CLVS1: variants seen among roughly 807,000 people sequenced by gnomAD.
CLVS1 encodes clavesin 1.
Under a neutral mutation model 33.1 loss-of-function variants are expected in CLVS1, and 10 were observed. The ratio of observed to expected loss-of-function variants is 0.30; its 90% CI spans 0.19 to 0.51. CLVS1 has a LOEUF of 0.51. CLVS1 is among the 20% of genes least tolerant of loss of function. The pLI is 0.97. For missense variants in CLVS1, 343 were observed against 433.4 expected, an observed-to-expected ratio of 0.79 and a Z score of 1.85; for synonymous variants, 163 against 166.1, an observed-to-expected ratio of 0.98 and a Z score of 0.14.
chr8:61,056,921 A>G (rs1406719885), upstream of CLVS1, among the ~76,000 whole-genome samples: 1 of 152,178 alleles, frequency 6.6e-6, no homozygotes, highest in Non-Finnish European at 1.5e-5. Flanking sequence ...AAGGAAAGGT[A>G]AAGCGCCAGG....
intron 2 of CLVS1, among the ~76,000 whole-genome samples, chr8:61,261,144 T>C (rs1809195008): frequency 1.3e-5 from 2 of 152,188 alleles, no homozygotes; most frequent in Non-Finnish European, 2.9e-5. Flanking sequence ...TTCTAACTGA[T>C]GTGTGTTCCA....
At chr8:61,122,335 G>A (rs530964697) in intron 1 of CLVS1, among the ~76,000 whole-genome samples, 4 of 152,278 alleles carry the variant, frequency 2.6e-5, no homozygotes, top group Admixed American at 1.3e-4. Flanking sequence ...TGCTGAGCAG[G>A]ATAGTAAATA....
At chr8:61,265,535 A>C (rs1370139642) in intron 2 of CLVS1, among the ~76,000 whole-genome samples, 1 of 152,224 alleles carries the variant, frequency 6.6e-6, no homozygotes, top group Non-Finnish European at 1.5e-5. Flanking sequence ...ATTCTATGAG[A>C]GGCTTGTTGC....
At chr8:61,272,362 C>T (rs1239125970) in intron 2 of CLVS1, among the ~76,000 whole-genome samples, 8 of 152,268 alleles carry the variant, frequency 5.3e-5, no homozygotes, top group South Asian at 2.1e-4. Flanking sequence ...CTGAGAGATC[C>T]GCTGTTAGTC....
chr8:61,024,848 TTTTC>T, the CLVS1 span, among the ~76,000 whole-genome samples: 1 of 151,984 alleles, frequency 6.6e-6, no homozygotes, highest in Admixed American at 6.6e-5. Context: ...CTTTTCTTTT[TTTTC>T]TTTCTTTTTT....
At chr8:61,327,354 A>G (rs1811422531) in intron 2 of CLVS1, among the ~76,000 whole-genome samples, 1 of 152,202 alleles carries the variant, frequency 6.6e-6, no homozygotes, top group Admixed American at 6.5e-5. Context: ...TGTTTACAGA[A>G]TCTCATTTGA....
At chr8:61,177,698 A>T (rs1807144538) in intron 2 of CLVS1, among the ~76,000 whole-genome samples, 1 of 152,076 alleles carries the variant, frequency 6.6e-6, no homozygotes, top group African/African-American at 2.4e-5. Context: ...GAACCAGAAG[A>T]ATAGGGACAG....
At chr8:61,086,035 C>CAAAAAA (rs4033854) in intron 1 of CLVS1, among the ~76,000 whole-genome samples, 3 of 31,248 alleles carry the variant, frequency 9.6e-5, no homozygotes, top group Non-Finnish European at 1.6e-4. Flanking sequence ...GACTCCCTCT[C>CAAAAAA]AAAAAAAAAA....
chr8:61,486,632 A>G (rs1803894495), intron 5 of CLVS1, among the ~76,000 whole-genome samples: 1 of 152,172 alleles, frequency 6.6e-6, no homozygotes, highest in Non-Finnish European at 1.5e-5. Context: ...GTGTGGATCA[A>G]TAGCAGAAAG....
intron 1 of CLVS1, among the ~76,000 whole-genome samples, chr8:61,297,405 G>A (rs1432163184): frequency 6.6e-6 from 1 of 152,148 alleles, no homozygotes; most frequent in Non-Finnish European, 1.5e-5. Context: ...AACTGGGAAA[G>A]TTTGAAAAAT....
chr8:61,452,355 A>T (rs1417227825), intron 3 of CLVS1, among the ~76,000 whole-genome samples: 1 of 152,234 alleles, frequency 6.6e-6, no homozygotes, highest in African/African-American at 2.4e-5. Context: ...TGGTCCCATT[A>T]AAAAGATAGT....
At chr8:61,028,022 A>G in the CLVS1 span, among the ~76,000 whole-genome samples, 1 of 152,356 alleles carries the variant, frequency 6.6e-6, no homozygotes, top group Admixed American at 6.5e-5. Context: ...ATGGTCCTTG[A>G]GATGAATGTG....
chr8:61,039,245 C>T, the CLVS1 span, among the ~76,000 whole-genome samples: 7 of 152,188 alleles, frequency 4.6e-5, 1 homozygote, highest in South Asian at 2.1e-4. Context: ...CTCCAAGAGA[C>T]GCATTCTAGT....
At chr8:61,074,452 A>ATG (rs1363269702) in intron 1 of CLVS1, among the ~76,000 whole-genome samples, 5 of 115,280 alleles carry the variant, frequency 4.3e-5, no homozygotes, top group African/African-American at 2.0e-4. Flanking sequence ...ATATAAGTAT[A>ATG]TGTGTATATA....
intron 5 of CLVS1, among the ~76,000 whole-genome samples, chr8:61,476,917 T>C (rs1049619469): frequency 1.3e-5 from 2 of 152,224 alleles, no homozygotes; most frequent in South Asian, 2.1e-4. Flanking sequence ...CCATTGAGTA[T>C]GATATTGGCT....
rs560289299 is a variant in CLVS1, at chr8:61,453,611, G to A, written c.631-530G>A. Among the ~76,000 whole-genome samples the A allele has an allele frequency of 1.4e-4, 21 of 152,244 alleles. No homozygotes were observed. The South Asian group carries it at 4.4e-3, about 32-fold the overall frequency. On this transcript the variant is annotated intron_variant, in intron 3 of 5. Coordinates refer to ENST00000325897, the MANE Select transcript of CLVS1 (RefSeq NM_173519.3). ...GTTATAACCTTGTTAGCATTTGGTTGATTCCACAGAGCTCCATCTCCTAAG... is the reference window on the plus strand; with the variant it reads ...GTTATAACCTTGTTAGCATTTGGTTAATTCCACAGAGCTCCATCTCCTAAG...
intron 2 of CLVS1, among the ~76,000 whole-genome samples, chr8:61,164,141 C>A (rs568589874): frequency 1.3e-5 from 2 of 152,298 alleles, no homozygotes; most frequent in South Asian, 4.1e-4. Flanking sequence ...GCCCTCTTTA[C>A]TACCTGATTT....
At chr8:61,411,530 A>ACTT (rs1369320573) in intron 3 of CLVS1, among the ~76,000 whole-genome samples, 2 of 152,110 alleles carry the variant, frequency 1.3e-5, no homozygotes, top group Non-Finnish European at 2.9e-5. Flanking sequence ...CAGGAAGAAA[A>ACTT]CTTCAAAAAC....
At chr8:61,038,176 T>A in the CLVS1 span, among the ~76,000 whole-genome samples, 6 of 152,152 alleles carry the variant, frequency 3.9e-5, no homozygotes, top group Admixed American at 6.5e-5. Context: ...TAAAGTTGCC[T>A]GCTATTGACA....
Sources: allele counts gnomAD v4.1 joint callset (sites outside exome capture counted in the v4.1 genomes callset), GRCh38; gene constraint gnomAD v4.1.1; transcripts MANE v1.5; gene names NCBI Gene and HGNC (gene_info 2026-07-23, HGNC 2026-07-21).